Variants in MLLT3 observed in about 807,000 individuals in gnomAD.
MLLT3 encodes the protein MLLT3 super elongation complex subunit, also known as protein AF-9.
Under a neutral mutation model 53.2 loss-of-function variants are expected in MLLT3, and 4 were observed. The observed-to-expected ratio is 0.08, with a 90% CI of 0.04 to 0.17. The LOEUF is 0.17. MLLT3 is among the 10% of genes least tolerant of loss of function. The pLI, the probability that MLLT3 is intolerant of heterozygous loss-of-function variation, is 1.00. For missense variants in MLLT3, 569 were observed against 684.0 expected, an observed-to-expected ratio of 0.83 and a Z score of 1.87; for synonymous variants, 283 against 230.6, an observed-to-expected ratio of 1.23 and a Z score of -2.06.
chr9:20,355,842 T>C (rs184927084), intron 8 of MLLT3, among the ~76,000 whole-genome samples: 1 of 152,352 alleles, frequency 6.6e-6, no homozygotes, highest in East Asian at 1.9e-4. Context: ...AGGTTTTATA[T>C]TCCTACTGTT....
chr9:20,535,361 C>T (rs1818454170), intron 2 of MLLT3, among the ~76,000 whole-genome samples: 1 of 152,104 alleles, frequency 6.6e-6, no homozygotes, highest in African/African-American at 2.4e-5. Flanking sequence ...GTCCCTGGTG[C>T]CAAAAAGGTT....
Position 20,346,557 on chromosome 9 carries a change from T to C in MLLT3, c.1593A>G (p.Glu531=), listed in dbSNP as rs566185777. 107 of 1,613,526 alleles carry C rather than the reference T, an allele frequency of 6.6e-5. 1 individual carries two copies. In the South Asian group the frequency reaches 1.0e-3, roughly 15 times the overall value. The part of the protein sequence containing the change: ...HILQQIVNLI[E]ETGHFHITNT... The stretch of plus-strand genomic sequence containing the variant: ...TTGTGATATGAAAGTGTCCAGTTTC[T>C]TCTATAAGGTTCACGATCTAGAGGA... Residue 531 remains glutamate (E), a synonymous_variant, in exon 11 of 11, where the codon GAA becomes GAG. Coordinates refer to ENST00000380338, the MANE Select transcript of MLLT3 (RefSeq NM_004529.4).
At position 20,577,965 on chromosome 9, in the gene MLLT3, G is replaced by T. The variant is rs187199953; in HGVS notation, c.193+42689C>A. 3.0e-4 allele frequency among the ~76,000 whole-genome samples: 46 copies of T among 152,284 alleles called. 1 individual carries two copies. Among genetic ancestry groups the T allele is most frequent in the South Asian group, 4.2e-4 (2 of 4,816 alleles). Reference sequence around the variant, plus strand: ...ACCTGATCCTCCAGTATCCTCTGTAGTTCCCAGTATCAAATCTCTCCCTGC... The same window carrying T: ...ACCTGATCCTCCAGTATCCTCTGTATTTCCCAGTATCAAATCTCTCCCTGC... On this transcript the variant is annotated intron_variant, in intron 2 of 10. Transcript: ENST00000380338.
chr9:20,544,473 G>A (rs981783008), intron 2 of MLLT3, among the ~76,000 whole-genome samples: 3 of 152,198 alleles, frequency 2.0e-5, no homozygotes, highest in Non-Finnish European at 4.4e-5. Context: ...TGGCCAAGAG[G>A]CATATGAGAA....
chr9:20,353,994 G>GA (rs1821101340), intron 9 of MLLT3, among the ~76,000 whole-genome samples: 3 of 151,868 alleles, frequency 2.0e-5, no homozygotes, highest in South Asian at 4.2e-4. Context: ...GTTTCTAAGA[G>GA]AAAAAAATTC....
Position 20,413,921 on chromosome 9 carries a change from T to A in MLLT3, c.925A>T (p.Ser309Cys). Residue 309 changes from serine to cysteine, a missense_variant, in exon 5 of 11, where the codon AGT becomes TGT. By Grantham distance (112) the Ser-to-Cys change is moderately radical. Around this residue, in one of 5 missense-constraint regions of MLLT3, gnomAD observed 437 missense variants for 376.5 expected, o/e 1.16. Transcript: ENST00000380338. ...KKSSSEALFKSFSSAPPLILT... is the reference protein window; with the variant it reads ...KKSSSEALFKCFSSAPPLILT... ...ATCAGTGGTGGTGCGCTAGAAAAAC[T>A]TTTAAATAAAGCCTCTGAGCTACTC... is the stretch of plus-strand genomic sequence containing the variant. 1.2e-6 allele frequency: 2 copies of A among 1,613,484 alleles called. No individual in the cohort carries two copies. The highest frequency in any genetic ancestry group is 1.7e-6 in the Non-Finnish European group (2 of 1,179,884).
chr9:20,509,298 G>C (rs948225368), intron 2 of MLLT3, among the ~76,000 whole-genome samples: 18 of 152,032 alleles, frequency 1.2e-4, no homozygotes, highest in Non-Finnish European at 2.2e-4. Flanking sequence ...TGTTCACCAT[G>C]GACAGTATAC....
chr9:20,488,601 G>A (rs1400107775), intron 2 of MLLT3, among the ~76,000 whole-genome samples: 4 of 152,080 alleles, frequency 2.6e-5, no homozygotes, highest in Non-Finnish European at 4.4e-5. Context: ...ACTTATTCTT[G>A]TAACATGAAT....
intron 2 of MLLT3, among the ~76,000 whole-genome samples, chr9:20,556,099 T>C (rs1287071869): frequency 6.6e-6 from 1 of 152,210 alleles, no homozygotes; most frequent in Non-Finnish European, 1.5e-5. Flanking sequence ...CATCTAGTAA[T>C]AAACGAATTT....
At position 20,360,738 on chromosome 9, in the gene MLLT3, T is replaced by G. The variant is rs1399122424; in HGVS notation, c.1431+4A>C. 6.2e-7 allele frequency: 1 copy of G among 1,612,704 alleles called. No homozygotes were observed. Among genetic ancestry groups the G allele is most frequent in the Admixed American group, 1.7e-5 (1 of 60,028 alleles). On this transcript the variant is annotated splice_donor_region_variant and intron_variant, in intron 8 of 10. Coordinates refer to ENST00000380338, the MANE Select transcript of MLLT3 (RefSeq NM_004529.4). ...TCTTGCAAAGTGCAAACCCCACAAT[T>G]TACCTGGTTGTTGTTGGTTTTTAGT...
chr9:20,589,607 T>C (rs1006219092), intron 2 of MLLT3, among the ~76,000 whole-genome samples: 1 of 151,894 alleles, frequency 6.6e-6, no homozygotes, highest in South Asian at 2.1e-4. Flanking sequence ...AAGAAAATTT[T>C]TTTATAAAAA....
At chr9:20,359,943 AT>A (rs1821274563) in intron 8 of MLLT3, among the ~76,000 whole-genome samples, 1 of 152,198 alleles carries the variant, frequency 6.6e-6, no homozygotes, top group Non-Finnish European at 1.5e-5. Context: ...AAAATAGTTT[AT>A]TTTAGTTGGT....
At chr9:20,567,304 TAAAAAAAAAAAA>T (rs35505450) in intron 2 of MLLT3, among the ~76,000 whole-genome samples, 43 of 79,960 alleles carry the variant, frequency 5.4e-4, no homozygotes, top group Admixed American at 1.5e-3. Flanking sequence ...CTATATTCAG[TAAAAAAAAAAAA>T]AAAAAAAAAA....
At chr9:20,484,450 T>C (rs1276291386) in intron 2 of MLLT3, among the ~76,000 whole-genome samples, 1 of 152,200 alleles carries the variant, frequency 6.6e-6, no homozygotes, top group Non-Finnish European at 1.5e-5. Flanking sequence ...TTTCCTCAAT[T>C]GCCACACTCA....
intron 2 of MLLT3, among the ~76,000 whole-genome samples, chr9:20,541,039 G>A (rs981835492): frequency 6.6e-6 from 1 of 152,112 alleles, no homozygotes; most frequent in Non-Finnish European, 1.5e-5. Context: ...CAAGTTCAAA[G>A]TTCCACAAAT....
At chr9:20,353,668 G>C in intron 9 of MLLT3, 72 bp from the exon 10 acceptor site, 1 of 1,273,222 alleles carries the variant, frequency 7.9e-7, no homozygotes, top group Non-Finnish European at 1.1e-6. Context: ...GAATATGTAA[G>C]TAAGAACACA....
chr9:20,589,196 C>A (rs1820059248), intron 2 of MLLT3, among the ~76,000 whole-genome samples: 1 of 150,096 alleles, frequency 6.7e-6, no homozygotes, highest in Non-Finnish European at 1.5e-5. Flanking sequence ...AAATGTCCAA[C>A]AATGATAGAC....
intron 7 of MLLT3, chr9:20,362,706 C>CATT: frequency 1.0e-5 from 1 of 99,678 alleles, no homozygotes; most frequent in African/African-American, 4.0e-5. Flanking sequence ...GTTAAGACCG[C>CATT]TTTTTTTTTT....
At chr9:20,518,762 C>T (rs991180262) in intron 2 of MLLT3, among the ~76,000 whole-genome samples, 11 of 152,066 alleles carry the variant, frequency 7.2e-5, no homozygotes, top group Non-Finnish European at 5.9e-5. Flanking sequence ...AGTCTAATCA[C>T]GAGAAAACAT....
Sources: gnomAD v4.1 joint callset for allele counts (sites outside exome capture counted in the v4.1 genomes callset) on GRCh38, gnomAD v4.1.1 for gene constraint, gnomAD v4.1.1 regional missense constraint, MANE v1.5 for transcripts, NCBI Gene and HGNC (gene_info 2026-07-23, HGNC 2026-07-21) for gene names.